The following ADCY2 variants were observed in gnomAD, a reference collection of about 807,000 sequenced individuals.
ADCY2 encodes adenylate cyclase 2.
A neutral mutation model predicts 125.2 loss-of-function variants in ADCY2; 31 were observed. That is an observed-to-expected ratio of 0.25 (90% CI 0.19 to 0.33). ADCY2 has a LOEUF of 0.33. ADCY2 is among the 10% of genes least tolerant of loss of function. ADCY2 has a pLI of 1.00. For synonymous variants in ADCY2, 512 were observed against 548.4 expected (o/e 0.93, Z 0.93); for missense variants, 904 against 1,418.2 (o/e 0.64, Z 5.82).
chr5:7,396,561 C>T lies in ADCY2; in HGVS notation c.210+55C>T. The stretch of plus-strand genomic sequence containing the variant: ...GCGCCTTCCCCGGCCCTGAGAGGAG[C>T]CCGGCCAGCCGAGCCGCGTCCCGCT... On this transcript the variant is annotated intron_variant, in intron 1 of 24. Coordinates refer to ENST00000338316, the MANE Select transcript of ADCY2 (RefSeq NM_020546.3). This position sits in a 1 kb window ranked among gnomAD's most constrained non-coding sequence, Gnocchi z 5.7. 2 of 1,456,300 alleles carry T rather than the reference C, an allele frequency of 1.4e-6. No homozygotes were observed. Among genetic ancestry groups the T allele is most frequent in the Non-Finnish European group, 1.8e-6 (2 of 1,100,154 alleles). 90.2% of individuals were successfully genotyped at this position (1,456,300 alleles called of 1,614,324 possible). A position where few individuals can be genotyped will look rare whatever the true frequency, so the allele number is the denominator to read the frequency against.
chr5:7,752,984 T>C (rs1267206782), intron 15 of ADCY2, among the ~76,000 whole-genome samples: 2 of 149,974 alleles, frequency 1.3e-5, no homozygotes, highest in African/African-American at 2.5e-5. Context: ...CTGCAACCTC[T>C]GCCTCCCGGG....
At chr5:7,817,815 G>C (rs114100800) in intron 23 of ADCY2, among the ~76,000 whole-genome samples, 5,752 of 105,828 alleles carry the variant, frequency 0.054, 388 homozygotes, top group African/African-American at 0.18. Flanking sequence ...AGAAAGAGAC[G>C]CTGTCACCAA....
Position 7,802,349 on chromosome 5 carries a change from C to T in ADCY2, c.2760C>T (p.Ile920=), listed in dbSNP as rs563250386. 114 of 1,614,120 alleles carry T rather than the reference C, an allele frequency of 7.1e-5. 2 individuals carry two copies. In the South Asian group the frequency reaches 9.9e-4, roughly 14 times the overall value. The change falls in exon 21 of 25, where the codon ATC becomes ATT. Residue 920 remains isoleucine (I), a synonymous_variant. Coordinates refer to ENST00000338316, the MANE Select transcript of ADCY2 (RefSeq NM_020546.3). This position sits in a 1 kb window ranked among gnomAD's most constrained non-coding sequence, Gnocchi z 4.6. ...GCCTTCGGCTCCTGAACGAGATCAT[C>T]GCTGACTTTGATGATGTAGGTACTG... ...LECLRLLNEI[I]ADFDDLLSKP...
At chr5:7,782,631 C>A (rs982213099) in intron 18 of ADCY2, among the ~76,000 whole-genome samples, 1 of 152,112 alleles carries the variant, frequency 6.6e-6, no homozygotes, top group Admixed American at 6.5e-5. Context: ...TTTTCTGGCC[C>A]CTTGGAATTG....
intron 3 of ADCY2, among the ~76,000 whole-genome samples, chr5:7,603,795 T>TC (rs1561121084): frequency 6.9e-6 from 1 of 144,036 alleles, no homozygotes; most frequent in Non-Finnish European, 1.5e-5. Flanking sequence ...TTTTTTTTTT[T>TC]TTTTTTTTTT....
chr5:7,699,112 T>TTTTTTTTTA (rs1740994025), intron 7 of ADCY2, among the ~76,000 whole-genome samples: 1 of 128,226 alleles, frequency 7.8e-6, no homozygotes, highest in African/African-American at 3.3e-5. Flanking sequence ...TTTTTTTTTT[T>TTTTTTTTTA]TTTGAGACGG....
intron 2 of ADCY2, among the ~76,000 whole-genome samples, chr5:7,487,608 T>C (rs1293927390): frequency 6.6e-6 from 1 of 152,220 alleles, no homozygotes; most frequent in African/African-American, 2.4e-5. Context: ...CTTCTTCATG[T>C]ACTCAGCTCC....
intron 24 of ADCY2, among the ~76,000 whole-genome samples, chr5:7,825,233 G>A (rs929813733): frequency 1.3e-5 from 2 of 151,812 alleles, no homozygotes; most frequent in Admixed American, 6.6e-5. Flanking sequence ...CCACGACAAC[G>A]CTGCTGTGTG....
intron 16 of ADCY2, among the ~76,000 whole-genome samples, chr5:7,758,313 A>G (rs1743084140): frequency 6.6e-6 from 1 of 152,092 alleles, no homozygotes; most frequent in Non-Finnish European, 1.5e-5. Flanking sequence ...CTCCCCCACA[A>G]TAGACACTTG....
chr5:7,523,662 A>C (rs1435813887), intron 3 of ADCY2, among the ~76,000 whole-genome samples: 2 of 152,246 alleles, frequency 1.3e-5, no homozygotes, highest in Non-Finnish European at 2.9e-5. Context: ...CCACTGTTGG[A>C]AATATAACCT....
At chr5:7,528,024 T>C (rs1734531563) in intron 3 of ADCY2, among the ~76,000 whole-genome samples, 1 of 152,192 alleles carries the variant, frequency 6.6e-6, no homozygotes, top group Admixed American at 6.5e-5. Flanking sequence ...GACTGTACCA[T>C]TGTCCATTCT....
At chr5:7,516,118 C>A (rs1296381216) in intron 2 of ADCY2, among the ~76,000 whole-genome samples, 2 of 145,238 alleles carry the variant, frequency 1.4e-5, no homozygotes, top group East Asian at 3.9e-4. Flanking sequence ...CAGCATTAGA[C>A]AAGGGCTCCC....
Position 7,817,362 on chromosome 5 carries a change from T to C in ADCY2, c.2998+382T>C, listed in dbSNP as rs113475257. On this transcript the variant is annotated intron_variant, in intron 23 of 24. Coordinates refer to ENST00000338316, the MANE Select transcript of ADCY2 (RefSeq NM_020546.3). The stretch of plus-strand genomic sequence containing the variant: ...CCATATTTCAGAGATGTAAAAATAT[T>C]TTCTTTAAAAAAGTGGATCTTAGAA... 3.7e-3 allele frequency among the ~76,000 whole-genome samples: 570 copies of C among 152,252 alleles called. 7 individuals are homozygous for C. Among genetic ancestry groups the C allele is most frequent in the African/African-American group, 0.013 (536 of 41,546 alleles).
At chr5:7,603,539 T>A (rs1228756451) in intron 3 of ADCY2, among the ~76,000 whole-genome samples, 1 of 152,220 alleles carries the variant, frequency 6.6e-6, no homozygotes, top group Non-Finnish European at 1.5e-5. Context: ...CTGCTTAGAA[T>A]GTGGTGGTGT....
intron 4 of ADCY2, among the ~76,000 whole-genome samples, chr5:7,651,624 G>A (rs1013526490): frequency 3.9e-5 from 6 of 152,012 alleles, no homozygotes; most frequent in African/African-American, 1.5e-4. Flanking sequence ...GATGGAGGGT[G>A]GGTCTGCCTT....
At chr5:7,404,399 A>T (rs1196531970) in intron 1 of ADCY2, among the ~76,000 whole-genome samples, 1 of 152,144 alleles carries the variant, frequency 6.6e-6, no homozygotes, top group Non-Finnish European at 1.5e-5. Context: ...AACAACTCCA[A>T]AGTCTTCCTG....
chr5:7,498,325 T>C (rs1245536848), intron 2 of ADCY2, among the ~76,000 whole-genome samples: 2 of 140,576 alleles, frequency 1.4e-5, no homozygotes, highest in Non-Finnish European at 3.1e-5. Context: ...CTTGGCTCAC[T>C]GCAAACTCCA....
At chr5:7,768,387 CTCCTTGATCCAATGGCGTTAGCA>C (rs1560970498) in intron 17 of ADCY2, among the ~76,000 whole-genome samples, 1 of 152,182 alleles carries the variant, frequency 6.6e-6, no homozygotes, top group Non-Finnish European at 1.5e-5. Context: ...CTGCCTATTC[CTCCTTGATCCAATGGCGTTAGCA>C]TCCATATGAT....
rs549614940 is a variant in ADCY2, at chr5:7,690,577, A to G, written c.721-114A>G. ...TTCTAGAATCTGTATTTTAGCTTCC[A>G]GGAAAGAATTCCCAAACTGGCCTTC... is the stretch of plus-strand genomic sequence containing the variant. On this transcript the variant is annotated intron_variant, in intron 4 of 24. Coordinates refer to ENST00000338316, the MANE Select transcript of ADCY2 (RefSeq NM_020546.3). The G allele has an allele frequency of 2.0e-5, 19 of 941,396 alleles. No individual in the cohort carries two copies. The African/African-American group carries it at 3.0e-4, about 15-fold the overall frequency. The allele number at this position is 941,396 out of a possible 1,614,324, so 58.3% of individuals were successfully genotyped here.
Sources: gnomAD v4.1 joint callset for allele counts (sites outside exome capture counted in the v4.1 genomes callset) on GRCh38, gnomAD v4.1.1 for gene constraint, Gnocchi (gnomAD v3.1) non-coding constraint, MANE v1.5 for transcripts, NCBI Gene and HGNC (gene_info 2026-07-23, HGNC 2026-07-21) for gene names.